The following RBFOX1 variants were observed in gnomAD, a reference collection of about 807,000 sequenced individuals.
The protein encoded by RBFOX1 is RNA binding protein fox-1 homolog 1.
RBFOX1 carries 8 observed loss-of-function variants against 57.7 expected under a neutral mutation model. The observed-to-expected ratio is 0.14, with a 90% CI of 0.08 to 0.25. The LOEUF is 0.25. RBFOX1 is among the 10% of genes least tolerant of loss of function. RBFOX1 has a pLI of 1.00. For synonymous variants in RBFOX1, 326 were observed against 222.4 expected (o/e 1.47, Z -4.15); for missense variants, 611 against 548.5 (o/e 1.11, Z -1.14).
intron 2 of RBFOX1, among the ~76,000 whole-genome samples, chr16:6,558,288 C>G (rs1343604582): frequency 6.6e-6 from 1 of 152,040 alleles, no homozygotes; most frequent in Non-Finnish European, 1.5e-5. Flanking sequence ...TTTTGCAAAT[C>G]GAGAATAAGA....
chr16:7,239,627 C>T (rs1189533024), intron 4 of RBFOX1, among the ~76,000 whole-genome samples: 1 of 152,128 alleles, frequency 6.6e-6, no homozygotes, highest in African/African-American at 2.4e-5. Flanking sequence ...TTCTCTGAGG[C>T]TTTATTGCCC....
chr16:6,904,734 C>T (rs1042904195), intron 3 of RBFOX1, among the ~76,000 whole-genome samples: 1 of 151,850 alleles, frequency 6.6e-6, no homozygotes, highest in African/African-American at 2.4e-5. Flanking sequence ...CTCACAGGGA[C>T]CCTCGCCTTG....
intron 3 of RBFOX1, among the ~76,000 whole-genome samples, chr16:6,743,659 C>G (rs889021336): frequency 2.0e-5 from 3 of 151,888 alleles, no homozygotes; most frequent in East Asian, 1.9e-4. Flanking sequence ...GTCAGTATCA[C>G]TTGAGCCTGG....
rs867498112 is a variant in RBFOX1, at chr16:7,438,224, T to C, written c.28-79923T>C. 1.1e-4 allele frequency among the ~76,000 whole-genome samples: 17 copies of C among 152,220 alleles called. No homozygotes were observed. The Middle Eastern group carries it at 0.01, about 91-fold the overall frequency. ...CCAGGGTACAGTGGCTACAGAGAGT[T>C]CTTCATGTCCTCTCTCTATTAAGAT... On this transcript the variant is annotated intron_variant, in intron 4 of 15. Coordinates refer to ENST00000550418, the MANE Select transcript of RBFOX1 (RefSeq NM_018723.4).
At chr16:5,898,992 G>C (rs942664091) in intron 4 of RBFOX1, among the ~76,000 whole-genome samples, 2 of 151,656 alleles carry the variant, frequency 1.3e-5, no homozygotes, top group Non-Finnish European at 2.9e-5. Context: ...GAGCCCAGGA[G>C]ACTAAGACTG....
At chr16:7,504,724 T>A (rs1158523549) in intron 4 of RBFOX1, among the ~76,000 whole-genome samples, 2 of 9,726 alleles carry the variant, frequency 2.1e-4, no homozygotes, top group African/African-American at 3.5e-4. Context: ...TATATATATA[T>A]ATATATATAT....
chr16:5,924,527 C>A (rs992608391), intron 4 of RBFOX1, among the ~76,000 whole-genome samples: 1 of 152,122 alleles, frequency 6.6e-6, no homozygotes, highest in Non-Finnish European at 1.5e-5. Flanking sequence ...CTCTCTCTTG[C>A]CTTCTCTCTT....
intron 4 of RBFOX1, among the ~76,000 whole-genome samples, chr16:5,949,119 A>C (rs924430226): frequency 1.7e-4 from 26 of 152,128 alleles, no homozygotes; most frequent in Non-Finnish European, 3.2e-4. Flanking sequence ...GTCTGTATCT[A>C]CTAAGAGCAA....
chr16:5,313,760 C>G (rs187789513), intron 1 of RBFOX1, among the ~76,000 whole-genome samples: 11 of 152,250 alleles, frequency 7.2e-5, no homozygotes, highest in Admixed American at 1.3e-4. Flanking sequence ...GAAAGACTGG[C>G]CCCCATGATT....
chr16:6,788,333 C>G (rs546738049), intron 3 of RBFOX1, among the ~76,000 whole-genome samples: 15 of 152,178 alleles, frequency 9.9e-5, no homozygotes, highest in African/African-American at 2.4e-4. Context: ...GTATTTTATT[C>G]AGGTTCAACA....
intron 2 of RBFOX1, among the ~76,000 whole-genome samples, chr16:6,367,603 G>A (rs73530386): frequency 0.032 from 4,902 of 152,152 alleles, 259 homozygotes; most frequent in African/African-American, 0.11. Context: ...TTGAAATCAG[G>A]TAAAGCTAAA....
chr16:6,731,700 A>G (rs12932732), intron 3 of RBFOX1, among the ~76,000 whole-genome samples: 39,395 of 151,880 alleles, frequency 0.26, 5,396 homozygotes, highest in East Asian at 0.48. Flanking sequence ...GTTTTCCCAC[A>G]TGACTAGGCT....
intron 1 of RBFOX1, among the ~76,000 whole-genome samples, chr16:6,130,610 C>A (rs79332396): frequency 6.6e-6 from 1 of 151,956 alleles, no homozygotes; most frequent in Non-Finnish European, 1.5e-5. Context: ...AGCAAGAATC[C>A]GTTATTTGCT....
At chr16:6,899,278 A>G (rs112354336) in intron 3 of RBFOX1, among the ~76,000 whole-genome samples, 440 of 152,084 alleles carry the variant, frequency 2.9e-3, no homozygotes, top group Non-Finnish European at 4.7e-3. Flanking sequence ...GTGTGCATGT[A>G]TGTGTGTATA....
chr16:7,447,664 T>C (rs2150098435), intron 4 of RBFOX1, among the ~76,000 whole-genome samples: 1 of 152,336 alleles, frequency 6.6e-6, no homozygotes, highest in Admixed American at 6.5e-5. Flanking sequence ...CATCTTCAGC[T>C]CTTCCTGTCT....
chr16:6,215,278 G>C, intron 1 of RBFOX1, among the ~76,000 whole-genome samples: 1 of 128,648 alleles, frequency 7.8e-6, no homozygotes, highest in Non-Finnish European at 1.7e-5. Context: ...AGGGAGAGAG[G>C]GAAAAGGAGA....
intron 12 of RBFOX1, among the ~76,000 whole-genome samples, chr16:7,664,107 C>T (rs1304744872): frequency 6.6e-6 from 1 of 152,174 alleles, no homozygotes; most frequent in East Asian, 1.9e-4. Flanking sequence ...TGCAGATATT[C>T]ACATGTATAC....
At chr16:5,772,376 C>G (rs2054009682) in intron 3 of RBFOX1, among the ~76,000 whole-genome samples, 1 of 152,104 alleles carries the variant, frequency 6.6e-6, no homozygotes, top group African/African-American at 2.4e-5. Flanking sequence ...TTCCTGAGCT[C>G]CACTTCTAAC....
intron 1 of RBFOX1, among the ~76,000 whole-genome samples, chr16:6,232,975 C>T (rs1802601306): frequency 1.3e-5 from 2 of 152,098 alleles, no homozygotes; most frequent in South Asian, 4.1e-4. Context: ...GGCAGGGTAG[C>T]CGTACTGTGT....
Sources: allele counts gnomAD v4.1 joint callset (sites outside exome capture counted in the v4.1 genomes callset), GRCh38; gene constraint gnomAD v4.1.1; transcripts MANE v1.5; gene names NCBI Gene and HGNC (gene_info 2026-07-23, HGNC 2026-07-21).